Variants in LYST observed in about 807,000 individuals in gnomAD.
LYST encodes lysosomal trafficking regulator, also known as lysosomal-trafficking regulator.
A neutral mutation model predicts 413.6 loss-of-function variants in LYST; 192 were observed. The ratio of observed to expected loss-of-function variants is 0.46; its 90% CI spans 0.41 to 0.52. LYST has a LOEUF of 0.52. Among genes scored for constraint, LYST ranks in the 20% least tolerant of loss-of-function variants. The pLI is 0.00. For missense variants in LYST, 3,815 were observed against 4,499.9 expected (o/e 0.85, Z 4.35); for synonymous variants, 1,525 against 1,567.3 (o/e 0.97, Z 0.64).
At chr1:235,720,302 G>T (rs1487251198) in intron 40 of LYST, among the ~76,000 whole-genome samples, 2 of 151,938 alleles carry the variant, frequency 1.3e-5, no homozygotes, top group Non-Finnish European at 2.9e-5. Flanking sequence ...AGAGAAGCAG[G>T]GGACATTTGG....
Position 235,804,652 on chromosome 1 carries a change from T to C in LYST, c.3407A>G (p.Glu1136Gly). 6.2e-7 allele frequency: 1 copy of C among 1,602,038 alleles called. No individual in the cohort carries two copies. Among genetic ancestry groups the C allele is most frequent in the Non-Finnish European group, 8.5e-7 (1 of 1,170,074 alleles). Residue 1136 changes from glutamate to glycine, a missense_variant, in exon 7 of 53, where the codon GAA becomes GGA. Glu to Gly is a moderately conservative substitution (Grantham distance 98). Coordinates refer to ENST00000389793, the MANE Select transcript of LYST (RefSeq NM_000081.4). The part of the protein sequence containing the change: ...LELPNQNLSV[E>G]SILFEMRDHL... ...GTCCCTCATTTCAAATAATATACTT[T>C]CCACAGACAAGTTCTAAGGTAAAAT...
At chr1:235,670,629 G>C (rs1020339053) in intron 50 of LYST, among the ~76,000 whole-genome samples, 1 of 152,330 alleles carries the variant, frequency 6.6e-6, no homozygotes, top group East Asian at 1.9e-4. Flanking sequence ...TGGTGACCAA[G>C]TAATTCTGTG....
rs1558261064 is a variant in LYST at position 235,798,576 on chromosome 1, C to CTT, written c.4006+1743_4006+1744insAA. ...CTTGGCGACAAGGGCAAAACCCTGT[C>CTT]ATAAAAAAAAAAAAAAAAAAAAAAA... On this transcript the variant is annotated intron_variant, in intron 10 of 52. Transcript: ENST00000389793. Among the ~76,000 whole-genome samples the CTT allele has an allele frequency of 5.3e-4, 13 of 24,544 alleles. 1 individual carries two copies. Among genetic ancestry groups the CTT allele is most frequent in the African/African-American group, 1.8e-3 (13 of 7,326 alleles). The allele number at this position is 24,544 out of a possible 152,430, so 16.1% of individuals were successfully genotyped here.
Position 235,810,444 on chromosome 1 carries a change from T to G in LYST, c.374A>C (p.Glu125Ala), listed in dbSNP as rs1221276518. 6.2e-6 allele frequency: 10 copies of G among 1,610,012 alleles called. No individual in the cohort carries two copies. The highest frequency in any genetic ancestry group is 7.6e-6 in the Non-Finnish European group (9 of 1,178,984). The change falls in exon 5 of 53, where the codon GAA (glutamate) becomes GCA (alanine). Residue 125 changes from glutamate to alanine, a missense_variant. Glu to Ala is a moderately radical substitution (Grantham distance 107). Coordinates refer to ENST00000389793, the MANE Select transcript of LYST (RefSeq NM_000081.4). ...QRSTQEKLHLEGSALSSQVSA... is the reference protein window; with the variant it reads ...QRSTQEKLHLAGSALSSQVSA... ...AACCTGACTAGACAGGGCACTTCCT[T>G]CTAAATGTAATTTTTCCTGAGTGGA...
chr1:235,714,322 C>T (rs981987552), intron 42 of LYST, among the ~76,000 whole-genome samples: 6 of 151,980 alleles, frequency 3.9e-5, no homozygotes, highest in East Asian at 1.9e-4. Context: ...GATAATTAGC[C>T]AGGGGAAAAA....
At chr1:235,862,806 AACACACACACACACACACACACACACAC>A (rs57043954) in intron 1 of LYST, among the ~76,000 whole-genome samples, 4 of 121,424 alleles carry the variant, frequency 3.3e-5, no homozygotes, top group African/African-American at 1.3e-4. Context: ...AAAACAAACA[AACACACACACACACACACACACACACAC>A]ACACACACAC....
chr1:235,867,756 A>G (rs575742574), upstream of LYST, among the ~76,000 whole-genome samples: 1 of 152,346 alleles, frequency 6.6e-6, no homozygotes, highest in South Asian at 2.1e-4. Context: ...TCACTGAGAC[A>G]GCAACGCCAG....
chr1:235,699,422 A>G (rs1661371080), intron 45 of LYST, among the ~76,000 whole-genome samples: 1 of 151,842 alleles, frequency 6.6e-6, no homozygotes, highest in Admixed American at 6.6e-5. Context: ...TGATCTCATT[A>G]TTTTTTACGG....
At chr1:235,693,303 A>G (rs1283518275) in intron 47 of LYST, 47 bp downstream of exon 47, 2 of 1,413,640 alleles carry the variant, frequency 1.4e-6, no homozygotes, top group East Asian at 2.4e-5. Context: ...CGGCAGAGTG[A>G]GACTCCGTCT....
chr1:235,687,119 TAAAAG>T (rs1660279566), intron 47 of LYST, 72 bp from the exon 48 acceptor site: 2 of 1,069,024 alleles, frequency 1.9e-6, no homozygotes, highest in African/African-American at 3.2e-5. Flanking sequence ...AAAAATAAAA[TAAAAG>T]AATGAAAAAT....
intron 50 of LYST, among the ~76,000 whole-genome samples, chr1:235,668,186 G>A (rs1658654266): frequency 1.3e-5 from 2 of 151,716 alleles, no homozygotes; most frequent in African/African-American, 4.9e-5. Context: ...TTGTCTGTAC[G>A]TATATACATA....
intron 1 of LYST, among the ~76,000 whole-genome samples, chr1:235,875,612 T>C (rs1681100584): frequency 6.6e-6 from 1 of 152,140 alleles, no homozygotes; most frequent in Non-Finnish European, 1.5e-5. Flanking sequence ...GTTGTCTAAA[T>C]TAGTCTTCAT....
intron 28 of LYST, among the ~76,000 whole-genome samples, chr1:235,747,887 G>A (rs971575129): frequency 2.6e-5 from 4 of 152,022 alleles, no homozygotes; most frequent in East Asian, 1.9e-4. Context: ...TTACTTCACC[G>A]GTAGATATTT....
intron 3 of LYST, chr1:235,829,947 A>G (rs971108876): frequency 1.5e-5 from 4 of 274,146 alleles, no homozygotes; most frequent in Admixed American, 5.0e-5. Context: ...ATTTCTACTA[A>G]GAACCATAGT....
chr1:235,851,415 G>C (rs1181902089), intron 1 of LYST, among the ~76,000 whole-genome samples: 1 of 149,896 alleles, frequency 6.7e-6, no homozygotes, highest in Non-Finnish European at 1.5e-5. Context: ...AGAGTGGGAG[G>C]GGGGCGAGGG....
Position 235,759,162 on chromosome 1 carries a change from T to G in LYST, c.6691A>C (p.Lys2231Gln). The change falls in exon 23 of 53, where the codon AAG becomes CAG. Residue 2231 changes from lysine (K) to glutamine (Q), a missense_variant. Physicochemically the swap from Lys to Gln is moderately conservative, Grantham distance 53. This residue lies in a region of LYST where 771 missense variants were observed against 837.1 expected (regional missense o/e 0.92). Transcript: ENST00000389793. Reference sequence around the variant, plus strand: ...CTTCGCTGGAAGGAGGCCAATCCCTTTAGGTAATCAGGTCGGCGTGGGCAG... The same window carrying G: ...CTTCGCTGGAAGGAGGCCAATCCCTGTAGGTAATCAGGTCGGCGTGGGCAG... ...ESCPRRPDYL[K>Q]GLASFQRSHS... The G allele has an allele frequency of 6.2e-7, 1 of 1,614,080 alleles. No individual in the cohort carries two copies. Among genetic ancestry groups the G allele is most frequent in the African/African-American group, 1.3e-5 (1 of 75,022 alleles).
At chr1:235,821,254 C>T (rs534675429) in intron 3 of LYST, among the ~76,000 whole-genome samples, 2 of 152,072 alleles carry the variant, frequency 1.3e-5, no homozygotes, top group African/African-American at 2.4e-5. Context: ...CTGGGCAACA[C>T]GGTGAAACCC....
intron 1 of LYST, among the ~76,000 whole-genome samples, chr1:235,857,780 CACACATAT>C (rs748421660): frequency 5.7e-4 from 78 of 135,932 alleles, no homozygotes; most frequent in South Asian, 1.1e-3. Flanking sequence ...CACACACACA[CACACATAT>C]ATATATAAAA....
chr1:235,870,695 C>A (rs1017597511), upstream of LYST, among the ~76,000 whole-genome samples: 1 of 152,108 alleles, frequency 6.6e-6, no homozygotes, highest in African/African-American at 2.4e-5. Flanking sequence ...TCATTGTCAC[C>A]CCTGTTTAGA....
Sources: allele counts gnomAD v4.1 joint callset (sites outside exome capture counted in the v4.1 genomes callset), GRCh38; gene constraint gnomAD v4.1.1; regional missense constraint gnomAD v4.1.1; transcripts MANE v1.5; gene names NCBI Gene and HGNC (gene_info 2026-07-23, HGNC 2026-07-21).